The following ARMC9 variants were observed in gnomAD, a reference collection of about 807,000 sequenced individuals.
ARMC9 encodes the protein armadillo repeat containing 9.
Under a neutral mutation model 107.0 loss-of-function variants are expected in ARMC9, and 94 were observed. That is an observed-to-expected ratio of 0.88 (90% CI 0.74 to 1.04). ARMC9 has a LOEUF of 1.04. Ranked by LOEUF, ARMC9 falls within the 50% of genes least tolerant of loss-of-function variation. The probability of loss-of-function intolerance (pLI) is 0.00; values close to 1 mark genes in which losing one functional copy is unlikely to be tolerated. For missense variants in ARMC9, 942 were observed against 1,030.1 expected (o/e 0.91, Z 1.17); for synonymous variants, 380 against 396.9 (o/e 0.96, Z 0.51).
At chr2:231,247,899 C>A (rs111634819) in intron 9 of ARMC9, among the ~76,000 whole-genome samples, 1 of 152,202 alleles carries the variant, frequency 6.6e-6, no homozygotes, top group Non-Finnish European at 1.5e-5. Context: ...CCATTGCACT[C>A]CAGCCTGGGC....
chr2:231,209,090 C>T (rs1056373995), intron 3 of ARMC9, among the ~76,000 whole-genome samples: 1 of 151,928 alleles, frequency 6.6e-6, no homozygotes, highest in Non-Finnish European at 1.5e-5. Context: ...TTAGTAGAGA[C>T]GGGGTTTCAC....
At chr2:231,326,228 C>G (rs1290122196) in intron 19 of ARMC9, among the ~76,000 whole-genome samples, 4 of 152,228 alleles carry the variant, frequency 2.6e-5, no homozygotes, top group Non-Finnish European at 4.4e-5. Flanking sequence ...AGACTCAGAG[C>G]TGGGCTACTG....
chr2:231,198,691 A>T lies in ARMC9; in HGVS notation c.-49A>T, dbSNP rs2030133823. The T allele has an allele frequency of 1.3e-5, 2 of 152,252 alleles. No homozygotes were observed. The highest frequency in any genetic ancestry group is 4.1e-4 in the South Asian group (2 of 4,824). 9.4% of individuals were successfully genotyped at this position (152,252 alleles called of 1,614,324 possible). ...GGGATAGCGCGAGTGTCCGCGGCCG[A>T]GCAGCAGGTAAGCGCGTCCCCGGAT... On this transcript the variant is annotated 5_prime_UTR_variant, in exon 1 of 25. Coordinates refer to ENST00000611582, the MANE Select transcript of ARMC9 (RefSeq NM_001352754.2).
At chr2:231,347,866 T>A (rs978222768) in intron 21 of ARMC9, among the ~76,000 whole-genome samples, 4 of 152,242 alleles carry the variant, frequency 2.6e-5, no homozygotes, top group Non-Finnish European at 4.4e-5. Context: ...TCAGAGTTGA[T>A]TTAACTATGT....
chr2:231,332,648 C>T (rs1351551133), intron 20 of ARMC9, among the ~76,000 whole-genome samples: 1 of 152,124 alleles, frequency 6.6e-6, no homozygotes, highest in African/African-American at 2.4e-5. Flanking sequence ...AGGAAGCAGC[C>T]ACTCCTCAGG....
At chr2:231,243,695 C>G (rs946681092) in intron 9 of ARMC9, among the ~76,000 whole-genome samples, 2 of 152,212 alleles carry the variant, frequency 1.3e-5, no homozygotes, top group Non-Finnish European at 2.9e-5. Context: ...TTTACTGTTT[C>G]TAGCCGATTT....
In ARMC9 at chr2:231,360,832, C is replaced by T. The variant is rs2045543302; in HGVS notation, c.2210C>T (p.Pro737Leu). The change falls in exon 23 of 25, where the codon CCC (proline) becomes CTC (leucine). Residue 737 changes from proline to leucine, a missense_variant. Pro to Leu is a moderately conservative substitution (Grantham distance 98). Transcript: ENST00000611582. The surrounding 1 kb of genome is among the most constrained non-coding windows in gnomAD (Gnocchi z 4.7). Reference sequence around the variant, plus strand: ...CCTCGCCCAGCCCCCACGGGGACCCCCCGCCAGCCAAGGGAGGCGCCCCAG... The same window carrying T: ...CCTCGCCCAGCCCCCACGGGGACCCTCCGCCAGCCAAGGGAGGCGCCCCAG... ...EEPRPAPTGT[P>L]RQPREAPQDP... The T allele has an allele frequency of 2.0e-6, 3 of 1,535,946 alleles. No homozygotes were observed. In the East Asian group the frequency reaches 7.3e-5, roughly 38 times the overall value.
At chr2:231,299,602 C>T (rs2041598092) in intron 19 of ARMC9, among the ~76,000 whole-genome samples, 1 of 152,144 alleles carries the variant, frequency 6.6e-6, no homozygotes, top group Non-Finnish European at 1.5e-5. Context: ...GTGTATGCTG[C>T]TCCTCGCCCA....
intron 1 of ARMC9, among the ~76,000 whole-genome samples, chr2:231,202,627 C>G (rs1313990588): frequency 6.6e-6 from 1 of 151,922 alleles, no homozygotes; most frequent in Non-Finnish European, 1.5e-5. Context: ...CAGCCTGTTT[C>G]ACTTCTAATC....
chr2:231,250,117 C>G (rs769253895), intron 9 of ARMC9, among the ~76,000 whole-genome samples: 1 of 152,190 alleles, frequency 6.6e-6, no homozygotes, highest in South Asian at 2.1e-4. Context: ...AGCCTGAAAT[C>G]CTAGAAATGA....
chr2:231,211,991 T>C (rs988716060), intron 3 of ARMC9, among the ~76,000 whole-genome samples: 1 of 152,038 alleles, frequency 6.6e-6, no homozygotes, highest in East Asian at 1.9e-4. Context: ...CTGGGTTGAA[T>C]GAAGAAGAGT....
chr2:231,205,848 T>C (rs939524133), intron 1 of ARMC9, among the ~76,000 whole-genome samples: 1 of 152,236 alleles, frequency 6.6e-6, no homozygotes, highest in Non-Finnish European at 1.5e-5. Flanking sequence ...CCTTGTCTTA[T>C]GCCACTTTAT....
intron 9 of ARMC9, chr2:231,256,154 A>G (rs2037778369): frequency 1.3e-6 from 2 of 1,540,092 alleles, no homozygotes; most frequent in Non-Finnish European, 1.8e-6. Flanking sequence ...GGTCCTGGGC[A>G]GGACCGGCTC....
At chr2:231,304,400 T>G (rs559859208) in intron 19 of ARMC9, among the ~76,000 whole-genome samples, 7 of 152,230 alleles carry the variant, frequency 4.6e-5, no homozygotes, top group Non-Finnish European at 1.0e-4. Flanking sequence ...TTTTCCAAAT[T>G]TTTTGTTTGT....
Position 231,246,156 on chromosome 2 carries a change from A to G in ARMC9, c.879+6115A>G, listed in dbSNP as rs567282699. Among the ~76,000 whole-genome samples, 23 of 152,310 alleles carry G rather than the reference A, an allele frequency of 1.5e-4. 1 individual carries two copies. The South Asian group carries it at 4.6e-3, about 30-fold the overall frequency. On this transcript the variant is annotated intron_variant, in intron 9 of 24. Coordinates refer to ENST00000611582, the MANE Select transcript of ARMC9 (RefSeq NM_001352754.2). ...TTGAGAATTAATGCTCTTTTTCTTC[A>G]ACAACTCCAGATAAGGCCCCATTGG...
At chr2:231,270,635 T>C (rs1455092654) in intron 12 of ARMC9, 1 of 498,048 alleles carries the variant, frequency 2.0e-6, no homozygotes, top group East Asian at 6.1e-5. Flanking sequence ...TTACTGTGGC[T>C]TAGAGGGAGC....
At chr2:231,298,367 G>A (rs918771032) in intron 19 of ARMC9, among the ~76,000 whole-genome samples, 2 of 152,174 alleles carry the variant, frequency 1.3e-5, no homozygotes, top group Admixed American at 6.5e-5. Context: ...CTAGCATTAC[G>A]TTTATAACTG....
intron 9 of ARMC9, among the ~76,000 whole-genome samples, chr2:231,247,737 C>G (rs1881484): frequency 0.41 from 61,604 of 151,968 alleles, 14,682 homozygotes; most frequent in African/African-American, 0.67. Flanking sequence ...TTGAGACCAG[C>G]CTGGCCAGCA....
At chr2:231,340,247 C>T (rs1351140699) in intron 20 of ARMC9, among the ~76,000 whole-genome samples, 2 of 152,306 alleles carry the variant, frequency 1.3e-5, no homozygotes, top group East Asian at 3.9e-4. Context: ...ATTCTCTCAG[C>T]TCTGACAACA....
Sources: gnomAD v4.1 joint callset for allele counts (sites outside exome capture counted in the v4.1 genomes callset) on GRCh38, gnomAD v4.1.1 for gene constraint, Gnocchi (gnomAD v3.1) non-coding constraint, MANE v1.5 for transcripts, NCBI Gene and HGNC (gene_info 2026-07-23, HGNC 2026-07-21) for gene names.